CSMD1: variants seen among roughly 807,000 people sequenced by gnomAD.
The protein encoded by CSMD1 is CUB and Sushi multiple domains 1.
In CSMD1, 213 loss-of-function variants were observed where a neutral mutation model predicts 417.5. The observed-to-expected ratio is 0.51, with a 90% CI of 0.46 to 0.57. The LOEUF (loss-of-function observed/expected upper bound fraction) is 0.57. Among genes scored for constraint, CSMD1 ranks in the 20% least tolerant of loss-of-function variants. The pLI is 0.00. For missense variants in CSMD1, 6,923 were observed against 4,529.7 expected (o/e 1.53, Z -15.17); for synonymous variants, 2,862 against 1,736.8 (o/e 1.65, Z -16.11).
At chr8:4,943,118 A>C (rs1444570555) in intron 1 of CSMD1, among the ~76,000 whole-genome samples, 2 of 152,176 alleles carry the variant, frequency 1.3e-5, no homozygotes, top group African/African-American at 4.8e-5. Context: ...AATTTGAAGG[A>C]ATTAGTGGAG....
intron 26 of CSMD1, among the ~76,000 whole-genome samples, chr8:3,277,860 G>C (rs1249833463): frequency 6.6e-6 from 1 of 152,104 alleles, no homozygotes; most frequent in Non-Finnish European, 1.5e-5. Flanking sequence ...TAAACCACAT[G>C]GAATTGCCAA....
At chr8:4,758,559 C>A (rs772334834) in intron 1 of CSMD1, among the ~76,000 whole-genome samples, 22 of 151,948 alleles carry the variant, frequency 1.4e-4, no homozygotes, top group Admixed American at 7.2e-4. Flanking sequence ...GTGTATTAGT[C>A]CATTTTCTCA....
intron 47 of CSMD1, among the ~76,000 whole-genome samples, chr8:3,092,741 C>G (rs184649913): frequency 6.6e-6 from 1 of 152,164 alleles, no homozygotes; most frequent in African/African-American, 2.4e-5. Context: ...TAACCCAAAA[C>G]CATTTTTCAG....
intron 26 of CSMD1, among the ~76,000 whole-genome samples, chr8:3,283,937 C>G (rs530709684): frequency 6.6e-6 from 1 of 152,262 alleles, no homozygotes; most frequent in Non-Finnish European, 1.5e-5. Context: ...TTCTCTTAAG[C>G]TGGCTTCTGT....
intron 2 of CSMD1, among the ~76,000 whole-genome samples, chr8:4,422,737 A>G (rs960437911): frequency 2.6e-5 from 4 of 152,160 alleles, no homozygotes; most frequent in African/African-American, 7.2e-5. Context: ...CAGAAAAAAG[A>G]AAAATAAAAT....
intron 3 of CSMD1, among the ~76,000 whole-genome samples, chr8:4,043,644 C>A (rs760516456): frequency 4.6e-5 from 7 of 152,112 alleles, no homozygotes; most frequent in Admixed American, 6.5e-5. Context: ...TTTTTTAATT[C>A]TAGGAGTGGT....
intron 5 of CSMD1, among the ~76,000 whole-genome samples, chr8:3,781,700 G>T (rs1299600800): frequency 1.3e-5 from 2 of 152,190 alleles, no homozygotes; most frequent in Non-Finnish European, 2.9e-5. Flanking sequence ...AGCCTACGGA[G>T]GTTCTAGGGT....
intron 5 of CSMD1, among the ~76,000 whole-genome samples, chr8:3,830,252 C>A (rs1338929267): frequency 1.3e-5 from 2 of 152,154 alleles, no homozygotes; most frequent in Non-Finnish European, 2.9e-5. Flanking sequence ...CATGATAGAG[C>A]AAAAATCAGC....
At chr8:3,986,427 C>G (rs1814324898) in intron 5 of CSMD1, among the ~76,000 whole-genome samples, 1 of 152,166 alleles carries the variant, frequency 6.6e-6, no homozygotes, top group Non-Finnish European at 1.5e-5. Context: ...GTTTCCACTT[C>G]AAGGTGAAAT....
At chr8:4,858,491 G>C (rs562061035) in intron 1 of CSMD1, among the ~76,000 whole-genome samples, 6 of 151,418 alleles carry the variant, frequency 4.0e-5, no homozygotes, top group Non-Finnish European at 7.4e-5. Context: ...GTTTGCAGAC[G>C]ACATGATTGT....
intron 7 of CSMD1, among the ~76,000 whole-genome samples, chr8:3,666,869 G>C (rs1476477372): frequency 2.0e-5 from 3 of 152,112 alleles, no homozygotes; most frequent in African/African-American, 4.8e-5. Context: ...GTCTCAGATA[G>C]GTCTTTATCA....
intron 3 of CSMD1, among the ~76,000 whole-genome samples, chr8:4,272,638 A>G (rs1167871781): frequency 6.6e-6 from 1 of 152,186 alleles, no homozygotes; most frequent in East Asian, 1.9e-4. Context: ...GTGAGAAATA[A>G]TTGCATTCTT....
chr8:3,108,488 T>A, intron 44 of CSMD1, 115 bp downstream of exon 44: 1 of 1,072,138 alleles, frequency 9.3e-7, no homozygotes, highest in Non-Finnish European at 1.3e-6. Context: ...AAAAGAATCA[T>A]ACACGCCCTC....
At chr8:4,368,675 T>C (rs1802231091) in intron 3 of CSMD1, among the ~76,000 whole-genome samples, 1 of 152,202 alleles carries the variant, frequency 6.6e-6, no homozygotes, top group Non-Finnish European at 1.5e-5. Flanking sequence ...GATTTTAATT[T>C]CTTCCTGGCT....
intron 5 of CSMD1, among the ~76,000 whole-genome samples, chr8:3,918,527 TA>T (rs1479235777): frequency 6.6e-6 from 1 of 152,182 alleles, no homozygotes; most frequent in East Asian, 1.9e-4. Context: ...TGCCCATTTT[TA>T]ATTTTTAATT....
chr8:4,937,784 GCACACACA>G (rs112025933), intron 1 of CSMD1, among the ~76,000 whole-genome samples: 1 of 149,530 alleles, frequency 6.7e-6, no homozygotes, highest in Non-Finnish European at 1.5e-5. Context: ...AGTGGCGCGT[GCACACACA>G]CACACACACA....
intron 1 of CSMD1, among the ~76,000 whole-genome samples, chr8:4,686,047 G>A (rs749257576): frequency 6.6e-6 from 1 of 152,170 alleles, no homozygotes; most frequent in Non-Finnish European, 1.5e-5. Context: ...GGAGGTAATT[G>A]GCAGTTTTAT....
intron 5 of CSMD1, among the ~76,000 whole-genome samples, chr8:3,970,740 A>G (rs975766178): frequency 1.3e-5 from 2 of 152,062 alleles, no homozygotes; most frequent in East Asian, 3.9e-4. Flanking sequence ...GTGGCATGGC[A>G]TCTTGTTTTT....
chr8:4,648,748 G>T (rs940403125), intron 1 of CSMD1, among the ~76,000 whole-genome samples: 1 of 152,152 alleles, frequency 6.6e-6, no homozygotes, highest in Non-Finnish European at 1.5e-5. Flanking sequence ...AATTTGTGGG[G>T]ATGAGGGCTA....
Sources: gnomAD v4.1 joint callset for allele counts (sites outside exome capture counted in the v4.1 genomes callset) on GRCh38, gnomAD v4.1.1 for gene constraint, MANE v1.5 for transcripts, NCBI Gene and HGNC (gene_info 2026-07-23, HGNC 2026-07-21) for gene names.